The following LARGE1 variants were observed in gnomAD, a reference collection of about 807,000 sequenced individuals.
LARGE1 encodes LARGE xylosyl- and glucuronyltransferase 1.
LARGE1 carries 43 observed loss-of-function variants against 87.6 expected under a neutral mutation model. The observed-to-expected ratio is 0.49, with a 90% CI of 0.38 to 0.63. LARGE1 has a LOEUF of 0.63. Among genes scored for constraint, LARGE1 ranks in the 30% least tolerant of loss-of-function variants. LARGE1 has a pLI of 0.00. For missense variants in LARGE1, 802 were observed against 1,000.2 expected (o/e 0.80, Z 2.67); for synonymous variants, 434 against 394.6 (o/e 1.10, Z -1.18).
intron 9 of LARGE1, among the ~76,000 whole-genome samples, chr22:33,361,463 G>C (rs1183923604): frequency 6.7e-6 from 1 of 149,306 alleles, no homozygotes; most frequent in Non-Finnish European, 1.5e-5. Context: ...CTTGCATTTG[G>C]GTTTCCACTC....
chr22:33,916,010 C>T (rs560385581), intron 1 of LARGE1, among the ~76,000 whole-genome samples: 11 of 152,180 alleles, frequency 7.2e-5, no homozygotes, highest in African/African-American at 2.2e-4. Context: ...GGCCCGGGCA[C>T]GGTGGCTCAC....
the LARGE1 span, among the ~76,000 whole-genome samples, chr22:33,073,769 G>A: frequency 4.4e-3 from 674 of 152,220 alleles, 8 homozygotes; most frequent in African/African-American, 0.015. Flanking sequence ...AGAAAATTGC[G>A]TTAATACGAG....
At chr22:33,256,442 C>T (rs1022564944) in intron 11 of LARGE1, among the ~76,000 whole-genome samples, 5 of 152,188 alleles carry the variant, frequency 3.3e-5, no homozygotes, top group Admixed American at 2.0e-4. Flanking sequence ...CCTGGGCAAG[C>T]CATTTTAACC....
At chr22:33,497,071 C>CTTTTTTTTTTTT (rs5845088) in intron 6 of LARGE1, among the ~76,000 whole-genome samples, 3 of 133,954 alleles carry the variant, frequency 2.2e-5, no homozygotes, top group African/African-American at 5.6e-5. Context: ...CTTTTCTTTT[C>CTTTTTTTTTTTT]TTTTTTTTTT....
chr22:33,069,347 G>A, the LARGE1 span, among the ~76,000 whole-genome samples: 5 of 152,282 alleles, frequency 3.3e-5, no homozygotes, highest in Non-Finnish European at 7.4e-5. Flanking sequence ...TAACCTGTCT[G>A]TGTCACGTTT....
chr22:33,866,108 G>A (rs567006980), intron 1 of LARGE1, among the ~76,000 whole-genome samples: 67 of 151,840 alleles, frequency 4.4e-4, no homozygotes, highest in Admixed American at 3.0e-3. Flanking sequence ...CTCAGCCTCC[G>A]GCCTCAGCTC....
At chr22:33,545,442 AC>A (rs2077334287) in intron 6 of LARGE1, among the ~76,000 whole-genome samples, 1 of 149,642 alleles carries the variant, frequency 6.7e-6, no homozygotes, top group Non-Finnish European at 1.5e-5. Flanking sequence ...ACACACACAC[AC>A]ACACACAATT....
intron 2 of LARGE1, among the ~76,000 whole-genome samples, chr22:33,657,474 G>C (rs1331572412): frequency 1.3e-5 from 2 of 152,100 alleles, no homozygotes; most frequent in Non-Finnish European, 2.9e-5. Flanking sequence ...TACTTCGCAG[G>C]CTATGCTATC....
intron 6 of LARGE1, among the ~76,000 whole-genome samples, chr22:33,480,343 T>A (rs2069264667): frequency 6.6e-6 from 1 of 152,200 alleles, no homozygotes; most frequent in African/African-American, 2.4e-5. Context: ...AAACAATTTT[T>A]ATGGGTTTTT....
chr22:33,496,938 T>C (rs772265783), intron 6 of LARGE1, among the ~76,000 whole-genome samples: 9 of 152,220 alleles, frequency 5.9e-5, no homozygotes, highest in Admixed American at 2.0e-4. Context: ...TCTGTTTATT[T>C]TTGTTTGGGA....
At chr22:33,474,687 C>T (rs4821151) in intron 6 of LARGE1, among the ~76,000 whole-genome samples, 1 of 151,978 alleles carries the variant, frequency 6.6e-6, no homozygotes, top group Non-Finnish European at 1.5e-5. Flanking sequence ...TCTGCTTTGA[C>T]ATAATAAGGA....
chr22:33,813,666 T>C (rs771033231), intron 1 of LARGE1, among the ~76,000 whole-genome samples: 23 of 152,208 alleles, frequency 1.5e-4, no homozygotes, highest in Non-Finnish European at 2.5e-4. Flanking sequence ...CCATCTTTTC[T>C]GCCTAGTAAA....
chr22:33,805,462 G>A (rs1300935501), intron 1 of LARGE1, among the ~76,000 whole-genome samples: 1 of 152,070 alleles, frequency 6.6e-6, no homozygotes, highest in Non-Finnish European at 1.5e-5. Context: ...GGTCGGGCAC[G>A]GTGGCTCACG....
At chr22:33,384,147 C>A in intron 8 of LARGE1, 45 bp downstream of exon 8, 1 of 1,315,926 alleles carries the variant, frequency 7.6e-7, no homozygotes, top group Non-Finnish European at 1.1e-6. Context: ...GAAACAGCAC[C>A]AAGCACACTC....
chr22:33,146,734 G>A, the LARGE1 span, among the ~76,000 whole-genome samples: 1 of 151,974 alleles, frequency 6.6e-6, no homozygotes, highest in African/African-American at 2.4e-5. Context: ...AAAAATCTTA[G>A]CAGGTTTTTT....
rs569598797 is a variant in LARGE1, at chr22:33,880,878, G to A, written c.-83+39117C>T. ...ACAGCCAACCCAGCAGCAGAGGGATGGAAGCGAGATTTATTTTATACGTGA... is the reference window on the plus strand; with the variant it reads ...ACAGCCAACCCAGCAGCAGAGGGATAGAAGCGAGATTTATTTTATACGTGA... On this transcript the variant is annotated intron_variant, in intron 1 of 14. Coordinates refer to ENST00000397394, the MANE Select transcript of LARGE1 (RefSeq NM_133642.5). Among the ~76,000 whole-genome samples the A allele has an allele frequency of 2.6e-5, 4 of 152,234 alleles. No homozygotes were observed. The South Asian group carries it at 6.2e-4, about 24-fold the overall frequency.
At chr22:33,889,449 AAT>A (rs1286901292) in intron 1 of LARGE1, among the ~76,000 whole-genome samples, 1 of 152,214 alleles carries the variant, frequency 6.6e-6, no homozygotes, top group Non-Finnish European at 1.5e-5. Context: ...GAGCTGGAAT[AAT>A]ACGTATCTGG....
At chr22:33,364,304 G>T (rs942977469) in intron 9 of LARGE1, among the ~76,000 whole-genome samples, 1 of 152,054 alleles carries the variant, frequency 6.6e-6, no homozygotes, top group Non-Finnish European at 1.5e-5. Flanking sequence ...TGATCCGCCC[G>T]CCTCGGCCTC....
At chr22:33,654,292 G>A (rs1269246232) in intron 2 of LARGE1, among the ~76,000 whole-genome samples, 1 of 151,596 alleles carries the variant, frequency 6.6e-6, no homozygotes. Flanking sequence ...GTCCTTTCCG[G>A]TTTGTTGGTT....
Sources: gnomAD v4.1 joint callset for allele counts (sites outside exome capture counted in the v4.1 genomes callset) on GRCh38, gnomAD v4.1.1 for gene constraint, MANE v1.5 for transcripts, NCBI Gene and HGNC (gene_info 2026-07-23, HGNC 2026-07-21) for gene names.